Variants in LYZL4 observed in about 807,000 individuals in gnomAD.
LYZL4 encodes lysozyme-like protein 4.
A neutral mutation model predicts 17.6 loss-of-function variants in LYZL4; 13 were observed. The ratio of observed to expected loss-of-function variants is 0.74; its 90% CI spans 0.48 to 1.18. The LOEUF is 1.18. LYZL4 is among the 50% of genes most tolerant of loss of function. LYZL4 has a pLI of 0.00. For missense variants in LYZL4, 174 were observed against 188.2 expected (o/e 0.92, Z 0.44); for synonymous variants, 64 against 67.7 (o/e 0.95, Z 0.27).
chr3:42,391,733 T>C, the LYZL4 span, among the ~76,000 whole-genome samples: 22 of 151,914 alleles, frequency 1.4e-4, no homozygotes, highest in Admixed American at 5.9e-4. Flanking sequence ...TGGGAGATAT[T>C]ACAATATCAG....
At chr3:42,386,410 CCCG>C in the LYZL4 span, among the ~76,000 whole-genome samples, 1 of 124,048 alleles carries the variant, frequency 8.1e-6, no homozygotes, top group African/African-American at 2.8e-5. Context: ...CCCCCCCCCC[CCCG>C]CCTCCCTCTT....
chr3:42,381,656 G>A, the LYZL4 span, among the ~76,000 whole-genome samples: 2 of 152,228 alleles, frequency 1.3e-5, no homozygotes, highest in South Asian at 4.1e-4. Context: ...ACCAAAAGTT[G>A]TAAGTATTTT....
chr3:42,406,722 A>C, intron 3 of LYZL4, 124 bp downstream of exon 3: 2 of 1,225,984 alleles, frequency 1.6e-6, no homozygotes, highest in Non-Finnish European at 2.3e-6. Flanking sequence ...CCCACCCTGG[A>C]TATGGCTCCT....
the LYZL4 span, among the ~76,000 whole-genome samples, chr3:42,392,069 G>A: frequency 2.6e-5 from 4 of 152,062 alleles, no homozygotes; most frequent in East Asian, 1.9e-4. Context: ...ACAGGGTTTC[G>A]CCATGTTGCC....
the LYZL4 span, among the ~76,000 whole-genome samples, chr3:42,377,625 CTGTGTGTGTGTGTGTG>C: frequency 5.6e-5 from 8 of 143,684 alleles, no homozygotes; most frequent in South Asian, 2.3e-4. Context: ...GCATGACTCT[CTGTGTGTGTGTGTGTG>C]TGTGTGTGTG....
chr3:42,361,317 T>C, the LYZL4 span, among the ~76,000 whole-genome samples: 1 of 152,198 alleles, frequency 6.6e-6, no homozygotes, highest in Non-Finnish European at 1.5e-5. Flanking sequence ...TCATTCTTTG[T>C]CACATCTTCA....
intron 3 of LYZL4, 27 bp downstream of exon 3, chr3:42,406,819 C>T: frequency 6.2e-7 from 1 of 1,612,296 alleles, no homozygotes; most frequent in African/African-American, 1.3e-5. Flanking sequence ...TCCAGTGCCC[C>T]CGCACGGAAT....
At chr3:42,396,606 C>T (rs1190025551), downstream of LYZL4, among the ~76,000 whole-genome samples, 1 of 152,214 alleles carries the variant, frequency 6.6e-6, no homozygotes, top group African/African-American at 2.4e-5. Context: ...AAAAGATCAG[C>T]AGGAAATGCA....
the LYZL4 span, among the ~76,000 whole-genome samples, chr3:42,375,011 A>G: frequency 3.9e-5 from 6 of 152,008 alleles, no homozygotes; most frequent in African/African-American, 1.4e-4. Context: ...AGGTTTCACC[A>G]TGTTGCCCAG....
At chr3:42,386,535 G>A in the LYZL4 span, among the ~76,000 whole-genome samples, 1 of 151,572 alleles carries the variant, frequency 6.6e-6, no homozygotes, top group Non-Finnish European at 1.5e-5. Context: ...TTCCATAAAA[G>A]GTCACATATT....
At chr3:42,391,760 G>A in the LYZL4 span, among the ~76,000 whole-genome samples, 55 of 152,236 alleles carry the variant, frequency 3.6e-4, no homozygotes, top group Non-Finnish European at 6.9e-4. Flanking sequence ...GAAATGGTAG[G>A]AAATCAGAGG....
intron 3 of LYZL4, 83 bp from the exon 4 acceptor site, chr3:42,404,207 C>T (rs1418482841): frequency 2.5e-6 from 2 of 812,182 alleles, no homozygotes; most frequent in Non-Finnish European, 4.1e-6. Flanking sequence ...ACAGGGTACT[C>T]ACATCAGAGA....
At chr3:42,379,496 G>A in the LYZL4 span, among the ~76,000 whole-genome samples, 5 of 152,308 alleles carry the variant, frequency 3.3e-5, no homozygotes, top group African/African-American at 9.6e-5. Flanking sequence ...CAAAGAATGT[G>A]GCCAGCCATA....
chr3:42,402,774 C>G (rs1266563758), intron 4 of LYZL4, among the ~76,000 whole-genome samples: 3 of 152,176 alleles, frequency 2.0e-5, no homozygotes, highest in African/African-American at 7.2e-5. Context: ...GTAAAAACAA[C>G]AGAAATCCTT....
chr3:42,408,440 C>A (rs1698803154), intron 1 of LYZL4, among the ~76,000 whole-genome samples: 1 of 152,180 alleles, frequency 6.6e-6, no homozygotes, highest in South Asian at 2.1e-4. Flanking sequence ...TGCCTTTCCC[C>A]ATTCAAATGT....
At chr3:42,376,486 T>G in the LYZL4 span, among the ~76,000 whole-genome samples, 1 of 152,224 alleles carries the variant, frequency 6.6e-6, no homozygotes, top group Non-Finnish European at 1.5e-5. Flanking sequence ...ACCTCCAGAC[T>G]GCTCAGAATT....
chr3:42,379,694 T>C, the LYZL4 span, among the ~76,000 whole-genome samples: 1 of 152,314 alleles, frequency 6.6e-6, no homozygotes, highest in East Asian at 1.9e-4. Context: ...GCCTCTGTGT[T>C]TCTCATTGCA....
In LYZL4 at chr3:42,406,911, A is replaced by G; in HGVS notation, c.227T>C (p.Phe76Ser). The G allele has an allele frequency of 6.2e-7, 1 of 1,614,218 alleles. No homozygotes were observed. The highest frequency in any genetic ancestry group is 8.5e-7 in the Non-Finnish European group (1 of 1,180,032). Reference protein sequence around the residue: ...TREGYTGFGLFQMRGSDWCGD... With the variant: ...TREGYTGFGLSQMRGSDWCGD... ...ACACCAGTCACTGCCACGCATCTGA[A>G]AGAGGCCAAAGCCAGTGTAGCCCTC... is the stretch of plus-strand genomic sequence containing the variant. The change falls in exon 3 of 5, where the codon TTT (phenylalanine) becomes TCT (serine). Residue 76 changes from phenylalanine (F) to serine (S), a missense_variant. Coordinates refer to ENST00000287748, the MANE Select transcript of LYZL4 (RefSeq NM_144634.4).
the LYZL4 span, among the ~76,000 whole-genome samples, chr3:42,388,405 G>A: frequency 6.6e-6 from 1 of 152,208 alleles, no homozygotes; most frequent in Admixed American, 6.5e-5. Context: ...GCTCACGGCT[G>A]GTGAGCAACA....
Sources: allele counts gnomAD v4.1 joint callset (sites outside exome capture counted in the v4.1 genomes callset), GRCh38; gene constraint gnomAD v4.1.1; transcripts MANE v1.5; gene names NCBI Gene and HGNC (gene_info 2026-07-23, HGNC 2026-07-21).